Variants in FAM32A observed in about 807,000 individuals in gnomAD.
FAM32A encodes the protein family with sequence similarity 32 member A.
In FAM32A, 9 loss-of-function variants were observed where a neutral mutation model predicts 15.8. The ratio of observed to expected loss-of-function variants is 0.57; its 90% CI spans 0.34 to 1.00. The LOEUF (loss-of-function observed/expected upper bound fraction) is 1.00, where lower values mean the gene tolerates loss of function less well. FAM32A is among the 50% of genes least tolerant of loss of function. The pLI is 0.02. For missense variants in FAM32A, 113 were observed against 138.3 expected (o/e 0.82, Z 0.92); for synonymous variants, 64 against 54.9 (o/e 1.16, Z -0.73).
Position 16,190,925 on chromosome 19 carries a change from C to T in FAM32A, c.309C>T (p.Tyr103=), listed in dbSNP as rs373088103. 16 of 1,614,148 alleles carry T rather than the reference C, an allele frequency of 9.9e-6. No individual in the cohort carries two copies. The highest frequency in any genetic ancestry group is 1.6e-4 in the Middle Eastern group (1 of 6,062). The change falls in exon 4 of 4, where the codon TAC becomes TAT. Residue 103 remains tyrosine, a synonymous_variant. Transcript: ENST00000263384. ...ACCTGGACACACTCACGGAGCATTA[C>T]GACATTCCCAAAGTCAGCTGGACGA... is the stretch of plus-strand genomic sequence containing the variant. The part of the protein sequence containing the change: ...NRHLDTLTEH[Y]DIPKVSWTK
rs2091405013 is a variant in FAM32A, at chr19:16,191,184, C to T, written c.*229C>T. ...CAACATACAGAAGATACACCCTTTT[C>T]GTTTGGATGGAAAGTTTCTAAGTTT... On this transcript the variant is annotated 3_prime_UTR_variant, in exon 4 of 4. Coordinates refer to ENST00000263384, the MANE Select transcript of FAM32A (RefSeq NM_014077.4). 3 of 526,614 alleles carry T rather than the reference C, an allele frequency of 5.7e-6. No homozygotes were observed. The highest frequency in any genetic ancestry group is 1.0e-5 in the Non-Finnish European group (3 of 290,048). 32.6% of individuals were successfully genotyped at this position (526,614 alleles called of 1,614,324 possible).
intron 2 of FAM32A, chr19:16,187,327 C>T (rs1180175189): frequency 1.3e-5 from 2 of 151,768 alleles, no homozygotes; most frequent in African/African-American, 2.4e-5. Flanking sequence ...GGCATGGTGG[C>T]ACACACCTGT....
In FAM32A at chr19:16,185,415, T is replaced by C; in HGVS notation, c.-28T>C. 1 of 1,548,786 alleles carries C rather than the reference T, an allele frequency of 6.5e-7. No homozygotes were observed. Among genetic ancestry groups the C allele is most frequent in the East Asian group, 2.4e-5 (1 of 41,044 alleles). On this transcript the variant is annotated 5_prime_UTR_variant, in exon 1 of 4. Transcript: ENST00000263384. ...TGTTTGCAAACAGGAAGTGTGGCAC[T>C]CCAGCTACCGAAGCACTGGAGAGTG...
rs2091380692 is a variant in FAM32A, at chr19:16,185,437, A to T, written c.-6A>T. On this transcript the variant is annotated 5_prime_UTR_variant, in exon 1 of 4. Transcript: ENST00000263384. ...CACTCCAGCTACCGAAGCACTGGAG[A>T]GTGTCATGGAGGCCTACGAGCAGGT... 2 of 1,555,522 alleles carry T rather than the reference A, an allele frequency of 1.3e-6. No homozygotes were observed.
chr19:16,185,554 C>A (rs919773869), intron 1 of FAM32A, 38 bp downstream of exon 1: 1 of 1,575,674 alleles, frequency 6.3e-7, no homozygotes, highest in Non-Finnish European at 8.6e-7. Context: ...GTCTTCATCC[C>A]CCTTAGACCT....
rs763385755 is a variant in FAM32A at position 16,185,624 on chromosome 19, G to A, written c.75G>A (p.Arg25=). ...KGVAELGVTK[R]KKKKKDKDKA... ...GCCGCCTCCTCATGTCTTTTTCCAG[G>A]AAGAAGAAAAAGAAGGACAAAGACA... Residue 25 remains arginine (R), a splice_region_variant and synonymous_variant, in exon 2 of 4, where the codon CGG becomes CGA. Transcript: ENST00000263384. The A allele has an allele frequency of 5.6e-6, 9 of 1,600,162 alleles. No homozygotes were observed. The highest frequency in any genetic ancestry group is 3.5e-5 in the Admixed American group (2 of 57,944).
At chr19:16,188,295 A>G (rs1285434479) in intron 2 of FAM32A, among the ~76,000 whole-genome samples, 1 of 152,226 alleles carries the variant, frequency 6.6e-6, no homozygotes, top group African/African-American at 2.4e-5. Flanking sequence ...AGAAGAGTCA[A>G]GGATGACCAA....
At chr19:16,186,004 A>G (rs1599443849) in intron 2 of FAM32A, among the ~76,000 whole-genome samples, 2 of 152,282 alleles carry the variant, frequency 1.3e-5, no homozygotes, top group Middle Eastern at 6.8e-3. Context: ...ACTGGCGTTG[A>G]AAGGAGGCCA....
At position 16,191,913 on chromosome 19, in the gene FAM32A, T is replaced by C. The variant is rs930599338; in HGVS notation, c.*958T>C. Reference sequence around the variant, plus strand: ...CGTCCTGGCTGAGGATCAAACCACATATGTTATTGGGAGAAACGATTTCTG... The same window carrying C: ...CGTCCTGGCTGAGGATCAAACCACACATGTTATTGGGAGAAACGATTTCTG... On this transcript the variant is annotated 3_prime_UTR_variant, in exon 4 of 4. Transcript: ENST00000263384. 6.6e-6 allele frequency: 1 copy of C among 152,152 alleles called. No individual in the cohort carries two copies. Among genetic ancestry groups the C allele is most frequent in the African/African-American group, 2.4e-5 (1 of 41,390 alleles). 9.4% of individuals were successfully genotyped at this position (152,152 alleles called of 1,614,324 possible).
intron 2 of FAM32A, 94 bp downstream of exon 2, chr19:16,185,859 G>T (rs928569250): frequency 2.9e-6 from 4 of 1,388,136 alleles, no homozygotes; most frequent in Non-Finnish European, 3.9e-6. Context: ...GAGGGCAGGG[G>T]AGCGGTCAGA....
chr19:16,190,415 G>C (rs1426639270), intron 2 of FAM32A, 105 bp from the exon 3 acceptor site: 1 of 758,830 alleles, frequency 1.3e-6, no homozygotes, highest in South Asian at 1.6e-5. Context: ...ACCTCCAGCT[G>C]TTCTAAATGT....
rs2091404566 is a variant in FAM32A at position 16,191,110 on chromosome 19, G to T, written c.*155G>T. The T allele has an allele frequency of 3.1e-6, 2 of 653,932 alleles. No individual in the cohort carries two copies. Among genetic ancestry groups the T allele is most frequent in the Non-Finnish European group, 5.6e-6 (2 of 359,898 alleles). The allele number at this position is 653,932 out of a possible 1,614,324, so 40.5% of individuals were successfully genotyped here. On this transcript the variant is annotated 3_prime_UTR_variant, in exon 4 of 4. Coordinates refer to ENST00000263384, the MANE Select transcript of FAM32A (RefSeq NM_014077.4). ...TTCGAAGCTGTGTACCCTCATTCTG[G>T]AACTTGATTAAAGTAAGATCGTCCT...
chr19:16,190,398 G>C, intron 2 of FAM32A, 122 bp from the exon 3 acceptor site: 1 of 663,378 alleles, frequency 1.5e-6, no homozygotes, highest in South Asian at 1.7e-5. Flanking sequence ...AAGGCACAGA[G>C]CCTGAAACCT....
At chr19:16,190,256 G>A (rs771533816) in intron 2 of FAM32A, among the ~76,000 whole-genome samples, 21 of 152,130 alleles carry the variant, frequency 1.4e-4, no homozygotes, top group Non-Finnish European at 2.2e-4. Flanking sequence ...GAAGCATGCC[G>A]ACAGCTCCCA....
Position 16,189,019 on chromosome 19 carries a change from C to CTT in FAM32A, c.217-1479_217-1478dup, listed in dbSNP as rs11340905. 7.9e-3 allele frequency among the ~76,000 whole-genome samples: 654 copies of CTT among 83,228 alleles called. 8 individuals are homozygous for CTT. The highest frequency in any genetic ancestry group is 0.02 in the African/African-American group (462 of 23,056). The allele number at this position is 83,228 out of a possible 152,430, so 54.6% of individuals were successfully genotyped here. A position where few individuals can be genotyped will look rare whatever the true frequency, so the allele number is the denominator to read the frequency against. ...CCATATAGCTGGTGCCTCAGTGCTT[C>CTT]TTTTTTTTTTTTTTTTTTTTTTTGA... On this transcript the variant is annotated intron_variant, in intron 2 of 3. Transcript: ENST00000263384.
In FAM32A at chr19:16,191,013, G is replaced by T. The variant is rs2091404021; in HGVS notation, c.*58G>T. 3.1e-6 allele frequency: 4 copies of T among 1,304,726 alleles called. No homozygotes were observed. Among genetic ancestry groups the T allele is most frequent in the Non-Finnish European group, 4.5e-6 (4 of 898,576 alleles). 80.8% of individuals were successfully genotyped at this position (1,304,726 alleles called of 1,614,324 possible). ...GTTCGCAAAAGGCCACACTGGGGTT[G>T]TGTGTGTTTCCTTTGGTATATTCTG... On this transcript the variant is annotated 3_prime_UTR_variant, in exon 4 of 4. Transcript: ENST00000263384.
chr19:16,189,794 G>A (rs1351467201), intron 2 of FAM32A, among the ~76,000 whole-genome samples: 2 of 143,992 alleles, frequency 1.4e-5, no homozygotes, highest in African/African-American at 2.6e-5. Context: ...TCTCACCCCA[G>A]CCTCTTGAGT....
chr19:16,187,458 C>T (rs111755299), intron 2 of FAM32A: 82,469 of 150,006 alleles, frequency 0.55, 25,557 homozygotes, highest in Non-Finnish European at 0.71. Flanking sequence ...AGTGAGACTC[C>T]GTCTCAGTGA....
chr19:16,190,795 G>C, intron 3 of FAM32A, 92 bp from the exon 4 acceptor site: 1 of 1,089,356 alleles, frequency 9.2e-7, no homozygotes, highest in East Asian at 2.4e-5. Context: ...GGAGAGATAG[G>C]ATGTGGGAGA....
Sources: gnomAD v4.1 joint callset for allele counts (sites outside exome capture counted in the v4.1 genomes callset) on GRCh38, gnomAD v4.1.1 for gene constraint, MANE v1.5 for transcripts, NCBI Gene and HGNC (gene_info 2026-07-23, HGNC 2026-07-21) for gene names.